Variants in DNAJC18 observed in about 807,000 individuals in gnomAD.
DNAJC18 encodes the protein dnaJ homolog subfamily C member 18.
DNAJC18 carries 40 observed loss-of-function variants against 48.6 expected under a neutral mutation model. The observed-to-expected ratio is 0.82, with a 90% confidence interval of 0.64 to 1.07. The LOEUF is 1.07. Ranked by LOEUF, DNAJC18 falls within the 50% of genes least tolerant of loss-of-function variation. The pLI is 0.00. For synonymous variants in DNAJC18, 135 were observed against 152.2 expected (o/e 0.89, Z 0.83); for missense variants, 340 against 427.7 (o/e 0.79, Z 1.81).
At chr5:139,429,423 A>G (rs1759296219) in intron 2 of DNAJC18, among the ~76,000 whole-genome samples, 1 of 152,146 alleles carries the variant, frequency 6.6e-6, no homozygotes, top group Non-Finnish European at 1.5e-5. Flanking sequence ...TGATAGAAGA[A>G]AAAGAGCCAA....
intron 5 of DNAJC18, among the ~76,000 whole-genome samples, chr5:139,423,793 A>C (rs1759192953): frequency 6.6e-6 from 1 of 152,102 alleles, no homozygotes; most frequent in Non-Finnish European, 1.5e-5. Context: ...TACTGGTCCA[A>C]TTTACTTCAG....
chr5:139,437,301 A>G (rs1750685056), intron 2 of DNAJC18, 71 bp downstream of exon 2: 2 of 1,494,720 alleles, frequency 1.3e-6, no homozygotes, highest in South Asian at 2.7e-5. Flanking sequence ...GTCAATACTT[A>G]CATAGCACAT....
intron 5 of DNAJC18, among the ~76,000 whole-genome samples, chr5:139,424,637 T>C (rs942017578): frequency 7.0e-6 from 1 of 143,324 alleles, no homozygotes; most frequent in African/African-American, 2.6e-5. Flanking sequence ...GGAGGATTGG[T>C]TGAGCCCTGG....
chr5:139,437,865 CCAAGGAACTTGG>C (rs1223915803), intron 1 of DNAJC18, among the ~76,000 whole-genome samples: 2 of 152,100 alleles, frequency 1.3e-5, no homozygotes, highest in East Asian at 3.9e-4. Flanking sequence ...CTAATATATA[CCAAGGAACTTGG>C]CTAGAAGATC....
Position 139,439,494 on chromosome 5 carries a change from T to C in DNAJC18, c.-49A>G, listed in dbSNP as rs1750749358. ...GCCGAGCCTCCCCCGTGCCCGAGGC[T>C]GAAAGAGAAGGGGGCGCGGAGCGCG... On this transcript the variant is annotated 5_prime_UTR_variant, in exon 1 of 8. Transcript: ENST00000302060. This position sits in a 1 kb window ranked among gnomAD's most constrained non-coding sequence, Gnocchi z 4.1. 6.2e-7 allele frequency: 1 copy of C among 1,613,422 alleles called. No individual in the cohort carries two copies. Among genetic ancestry groups the C allele is most frequent in the Admixed American group, 1.7e-5 (1 of 59,994 alleles).
chr5:139,432,092 G>A lies in DNAJC18; in HGVS notation c.228-3409C>T, dbSNP rs990271891. ...GTTGAGTTTTAAGAGAACTTTGTAC[G>A]TTCCAGATAAAGTCCCTTATCAGAT... On this transcript the variant is annotated intron_variant, in intron 2 of 7. Transcript: ENST00000302060. Among the ~76,000 whole-genome samples the A allele has an allele frequency of 6.6e-5, 10 of 151,418 alleles. No individual in the cohort carries two copies. In the East Asian group the frequency reaches 1.2e-3, roughly 18 times the overall value.
rs955188807 is a variant in DNAJC18, at chr5:139,426,850, G to GTC, written c.374-495_374-494dup. Reference sequence around the variant, plus strand: ...AGGCTGGGCAACAGAGTGAGACTTTGTCACACACACACACACACAAAGAGT... The same window carrying GTC: ...AGGCTGGGCAACAGAGTGAGACTTTGTCTCACACACACACACACACAAAGAGT... On this transcript the variant is annotated intron_variant, in intron 3 of 7. Transcript: ENST00000302060. Among the ~76,000 whole-genome samples the GTC allele has an allele frequency of 2.6e-5, 4 of 152,070 alleles. No homozygotes were observed. The East Asian group carries it at 5.8e-4, about 22-fold the overall frequency.
rs1366450971 is a variant in DNAJC18 at position 139,437,397 on chromosome 5, C to T, written c.202G>A (p.Glu68Lys). The change falls in exon 2 of 8, where the codon GAG (glutamate) becomes AAG (lysine). Residue 68 changes from glutamate (E) to lysine (K), a missense_variant. Transcript: ENST00000302060. ...RQGEGNSTYS[E>K]EQLLGVQRIK... ...CTTTGTACCCCAAGCAGCTGTTCCT[C>T]ACTATACGTGGAGTTCCCCTCACCC... 4 of 1,612,236 alleles carry T rather than the reference C, an allele frequency of 2.5e-6. 1 individual carries two copies. Among genetic ancestry groups the T allele is most frequent in the Admixed American group, 3.4e-5 (2 of 59,612 alleles).
At chr5:139,438,957 T>C (rs1170096258) in intron 1 of DNAJC18, among the ~76,000 whole-genome samples, 1 of 152,096 alleles carries the variant, frequency 6.6e-6, no homozygotes, top group East Asian at 1.9e-4. Context: ...AGGTATTGGA[T>C]CAATATTTTT....
At chr5:139,419,568 G>A (rs1465527847) in intron 7 of DNAJC18, among the ~76,000 whole-genome samples, 2 of 152,242 alleles carry the variant, frequency 1.3e-5, no homozygotes, top group African/African-American at 4.8e-5. Context: ...AGGGAGTGTG[G>A]AATTGGGAAA....
At chr5:139,432,331 A>G (rs909255110) in intron 2 of DNAJC18, among the ~76,000 whole-genome samples, 2 of 151,854 alleles carry the variant, frequency 1.3e-5, no homozygotes, top group Non-Finnish European at 2.9e-5. Flanking sequence ...CACCCAGCTA[A>G]TTTTTGTATT....
intron 6 of DNAJC18, among the ~76,000 whole-genome samples, chr5:139,420,889 G>T (rs972893999): frequency 2.0e-5 from 3 of 152,210 alleles, no homozygotes; most frequent in African/African-American, 7.2e-5. Context: ...CAATGTGACA[G>T]AAATGGTTTT....
chr5:139,430,452 C>G (rs966304661), intron 2 of DNAJC18, among the ~76,000 whole-genome samples: 3 of 152,112 alleles, frequency 2.0e-5, no homozygotes. Flanking sequence ...ACCTCTATAG[C>G]TTGGTGTTAT....
intron 2 of DNAJC18, among the ~76,000 whole-genome samples, chr5:139,430,610 C>T: frequency 6.8e-6 from 1 of 146,302 alleles, no homozygotes; most frequent in Non-Finnish European, 1.5e-5. Context: ...TGAGACAGAG[C>T]CCAGGCTGGA....
At chr5:139,429,042 C>T (rs1032598600) in intron 2 of DNAJC18, among the ~76,000 whole-genome samples, 2 of 143,142 alleles carry the variant, frequency 1.4e-5, no homozygotes, top group African/African-American at 2.6e-5. Context: ...TTTTTTCTCT[C>T]TTTTTCCTAT....
chr5:139,437,358 C>A lies in DNAJC18; in HGVS notation c.227+14G>T. The A allele has an allele frequency of 6.3e-7, 1 of 1,593,572 alleles. No individual in the cohort carries two copies. Among genetic ancestry groups the A allele is most frequent in the Non-Finnish European group, 8.5e-7 (1 of 1,170,778 alleles). ...TTCCATAAAATCACTCATTTAATCT[C>A]ACCACATGCTCACCTTTGTACCCCA... On this transcript the variant is annotated intron_variant, in intron 2 of 7. Transcript: ENST00000302060.
At position 139,439,424 on chromosome 5, in the gene DNAJC18, C is replaced by T. The variant is rs201744345; in HGVS notation, c.22G>A (p.Gly8Arg). Reference sequence around the variant, plus strand: ...CTAGTACCTTCCGTCCAGCGCTCCCCGCTGCCCAGAGTCGCCGCCATATCG... The same window carrying T: ...CTAGTACCTTCCGTCCAGCGCTCCCTGCTGCCCAGAGTCGCCGCCATATCG... MAATLGSGERWTEAYIDA... is the reference protein window; with the variant it reads MAATLGSRERWTEAYIDA... The change falls in exon 1 of 8, where the codon GGG becomes AGG. Residue 8 changes from glycine to arginine, a missense_variant. Coordinates refer to ENST00000302060, the MANE Select transcript of DNAJC18 (RefSeq NM_152686.4). This position sits in a 1 kb window ranked among gnomAD's most constrained non-coding sequence, Gnocchi z 4.1. The T allele has an allele frequency of 1.5e-5, 24 of 1,613,808 alleles. No individual in the cohort carries two copies. The highest frequency in any genetic ancestry group is 2.0e-5 in the Non-Finnish European group (24 of 1,180,018).
At position 139,414,094 on chromosome 5, in the gene DNAJC18, A is replaced by T; in HGVS notation, c.*54T>A. ...TTTGTATTATAAAATGGAATCAGGA[A>T]CATAAATAGGAACAAGTAGCAAAAC... is the stretch of plus-strand genomic sequence containing the variant. On this transcript the variant is annotated 3_prime_UTR_variant, in exon 8 of 8. Coordinates refer to ENST00000302060, the MANE Select transcript of DNAJC18 (RefSeq NM_152686.4). The T allele has an allele frequency of 6.3e-7, 1 of 1,580,932 alleles. No homozygotes were observed. The highest frequency in any genetic ancestry group is 8.6e-7 in the Non-Finnish European group (1 of 1,167,672).
chr5:139,431,260 G>C (rs1759325653), intron 2 of DNAJC18, among the ~76,000 whole-genome samples: 1 of 152,110 alleles, frequency 6.6e-6, no homozygotes, highest in African/African-American at 2.4e-5. Flanking sequence ...CAATTCATTA[G>C]TTTTTAAATA....
Sources: allele counts gnomAD v4.1 joint callset (sites outside exome capture counted in the v4.1 genomes callset), GRCh38; gene constraint gnomAD v4.1.1; non-coding constraint Gnocchi (gnomAD v3.1); transcripts MANE v1.5; gene names NCBI Gene and HGNC (gene_info 2026-07-23, HGNC 2026-07-21).